The following ST6GALNAC3 variants were observed in gnomAD, a reference collection of about 807,000 sequenced individuals.
The protein encoded by ST6GALNAC3 is alpha-N-acetylgalactosaminide alpha-2,6-sialyltransferase 3.
A neutral mutation model predicts 32.7 loss-of-function variants in ST6GALNAC3; 25 were observed. The ratio of observed to expected loss-of-function variants is 0.76; its 90% confidence interval spans 0.56 to 1.07. ST6GALNAC3 has a LOEUF of 1.07. ST6GALNAC3 is among the 50% of genes least tolerant of loss of function. ST6GALNAC3 has a pLI of 0.00. For missense variants in ST6GALNAC3, 355 were observed against 382.4 expected, an observed-to-expected ratio of 0.93 and a Z score of 0.60; for synonymous variants, 129 against 133.1, an observed-to-expected ratio of 0.97 and a Z score of 0.21.
intron 1 of ST6GALNAC3, among the ~76,000 whole-genome samples, chr1:76,218,665 C>T (rs755357429): frequency 5.3e-5 from 8 of 152,152 alleles, no homozygotes; most frequent in Non-Finnish European, 8.8e-5. Context: ...TCCCCTCTTT[C>T]CGTCCTTTCT....
intron 1 of ST6GALNAC3, among the ~76,000 whole-genome samples, chr1:76,210,359 C>T (rs1655081563): frequency 6.6e-6 from 1 of 152,184 alleles, no homozygotes; most frequent in Non-Finnish European, 1.5e-5. Context: ...CTTTCTCTGA[C>T]TAGTATGCTG....
In ST6GALNAC3 at chr1:76,309,270, G is replaced by A. The variant is rs1346435265; in HGVS notation, c.19-4535G>A. ...GGTGTGTCTTTTATGGTTTTATTTC[G>A]GTTTTTTCAGCACCTAGCCAAGTCT... On this transcript the variant is annotated intron_variant, in intron 1 of 4. Coordinates refer to ENST00000328299, the MANE Select transcript of ST6GALNAC3 (RefSeq NM_152996.4). 3.3e-5 allele frequency among the ~76,000 whole-genome samples: 5 copies of A among 151,544 alleles called. 1 individual carries two copies. Among genetic ancestry groups the A allele is most frequent in the South Asian group, 4.2e-4 (2 of 4,748 alleles).
At chr1:76,574,001 A>G (rs1446646309) in intron 3 of ST6GALNAC3, among the ~76,000 whole-genome samples, 1 of 152,106 alleles carries the variant, frequency 6.6e-6, no homozygotes, top group African/African-American at 2.4e-5. Flanking sequence ...TTCATTGAAC[A>G]CCTACTATGT....
At chr1:76,510,195 A>G (rs1661759260) in intron 3 of ST6GALNAC3, among the ~76,000 whole-genome samples, 1 of 152,198 alleles carries the variant, frequency 6.6e-6, no homozygotes, top group South Asian at 2.1e-4. Context: ...CACAGCATTA[A>G]TAGGTAGGAC....
At chr1:76,478,774 T>C (rs1286664826) in intron 3 of ST6GALNAC3, among the ~76,000 whole-genome samples, 1 of 145,698 alleles carries the variant, frequency 6.9e-6, no homozygotes, top group East Asian at 2.0e-4. Context: ...TTTTTTTTTT[T>C]TTTTTTGAGA....
intron 1 of ST6GALNAC3, among the ~76,000 whole-genome samples, chr1:76,121,654 A>T (rs574920345): frequency 2.0e-5 from 3 of 152,154 alleles, no homozygotes; most frequent in African/African-American, 7.2e-5. Context: ...AGGCGGAGCT[A>T]GCAGTGAGCC....
chr1:76,545,064 G>T (rs907001055), intron 3 of ST6GALNAC3, among the ~76,000 whole-genome samples: 15 of 152,146 alleles, frequency 9.9e-5, no homozygotes, highest in Admixed American at 7.2e-4. Flanking sequence ...CTACCGTAGC[G>T]TTTCTGCAAC....
chr1:76,355,142 G>T (rs1219816386), intron 2 of ST6GALNAC3, among the ~76,000 whole-genome samples: 1 of 151,922 alleles, frequency 6.6e-6, no homozygotes, highest in Admixed American at 6.6e-5. Flanking sequence ...CCCTCACAAT[G>T]GATTAATTTT....
intron 3 of ST6GALNAC3, among the ~76,000 whole-genome samples, chr1:76,526,923 G>C (rs989534501): frequency 6.6e-6 from 1 of 151,980 alleles, no homozygotes; most frequent in African/African-American, 2.4e-5. Flanking sequence ...GTTAATTCCA[G>C]TCTTAATCTT....
At chr1:76,297,979 A>G (rs1426124483) in intron 1 of ST6GALNAC3, among the ~76,000 whole-genome samples, 1 of 152,056 alleles carries the variant, frequency 6.6e-6, no homozygotes, top group African/African-American at 2.4e-5. Flanking sequence ...TACAGAAAAA[A>G]AAACTATACT....
At chr1:76,079,084 G>A (rs952163874) in intron 1 of ST6GALNAC3, among the ~76,000 whole-genome samples, 1 of 152,084 alleles carries the variant, frequency 6.6e-6, no homozygotes, top group African/African-American at 2.4e-5. Flanking sequence ...GCCTGGCCTA[G>A]GACCAGTCTC....
chr1:76,322,111 A>G (rs916170413), intron 2 of ST6GALNAC3, among the ~76,000 whole-genome samples: 4 of 152,114 alleles, frequency 2.6e-5, no homozygotes, highest in Non-Finnish European at 4.4e-5. Flanking sequence ...CAACTATCAA[A>G]TTACCTCATT....
intron 3 of ST6GALNAC3, among the ~76,000 whole-genome samples, chr1:76,476,387 CTG>C (rs1275695619): frequency 6.6e-6 from 1 of 152,140 alleles, no homozygotes; most frequent in Non-Finnish European, 1.5e-5. Context: ...GCCTCATAGA[CTG>C]TAGTTTGCTG....
At chr1:76,380,369 G>A (rs1177359310) in intron 2 of ST6GALNAC3, among the ~76,000 whole-genome samples, 1 of 152,136 alleles carries the variant, frequency 6.6e-6, no homozygotes, top group African/African-American at 2.4e-5. Context: ...CGGTGTGAGT[G>A]TAATTAGTGC....
intron 1 of ST6GALNAC3, among the ~76,000 whole-genome samples, chr1:76,078,565 A>G (rs1646847679): frequency 6.6e-6 from 1 of 152,160 alleles, no homozygotes; most frequent in Non-Finnish European, 1.5e-5. Context: ...AAGTTTCTTG[A>G]TTTCACTACC....
At chr1:76,195,957 T>G (rs1654182982) in intron 1 of ST6GALNAC3, among the ~76,000 whole-genome samples, 1 of 152,184 alleles carries the variant, frequency 6.6e-6, no homozygotes, top group Non-Finnish European at 1.5e-5. Context: ...GTCTTAGAGC[T>G]CAGAAGCTCA....
chr1:76,368,440 A>T (rs1412715302), intron 2 of ST6GALNAC3, among the ~76,000 whole-genome samples: 37 of 151,196 alleles, frequency 2.4e-4, no homozygotes. Context: ...AGCAGAGGTT[A>T]TTTTTTGAGG....
chr1:76,260,450 A>G (rs183211925), intron 1 of ST6GALNAC3, among the ~76,000 whole-genome samples: 2 of 152,344 alleles, frequency 1.3e-5, no homozygotes, highest in African/African-American at 2.4e-5. Context: ...CTTGCTATGT[A>G]CAGGGTACTG....
At chr1:76,301,838 T>G (rs892717680) in intron 1 of ST6GALNAC3, among the ~76,000 whole-genome samples, 11 of 111,274 alleles carry the variant, frequency 9.9e-5, no homozygotes, top group Admixed American at 3.3e-4. Context: ...AAAAAAGAAG[T>G]TTTTTTTTTT....
Sources: gnomAD v4.1 joint callset for allele counts (sites outside exome capture counted in the v4.1 genomes callset) on GRCh38, gnomAD v4.1.1 for gene constraint, MANE v1.5 for transcripts, NCBI Gene and HGNC (gene_info 2026-07-23, HGNC 2026-07-21) for gene names.